ADAM7: variants seen among roughly 807,000 people sequenced by gnomAD.
ADAM7 encodes the protein ADAM metallopeptidase domain 7, also known as disintegrin and metalloproteinase domain-containing protein 7.
Under a neutral mutation model 102.9 loss-of-function variants are expected in ADAM7, and 97 were observed. The ratio of observed to expected loss-of-function variants is 0.94; its 90% confidence interval spans 0.80 to 1.12. The LOEUF (loss-of-function observed/expected upper bound fraction) is 1.12. Among genes scored for constraint, ADAM7 ranks in the 50% most tolerant of loss-of-function variants. The probability of loss-of-function intolerance (pLI) is 0.00; values close to 1 mark genes in which losing one functional copy is unlikely to be tolerated. For missense variants in ADAM7, 991 were observed against 908.7 expected (o/e 1.09, Z -1.16); for synonymous variants, 334 against 304.4 (o/e 1.10, Z -1.01).
Position 24,500,101 on chromosome 8 carries a change from G to A in ADAM7, c.1924-77G>A, listed in dbSNP as rs1056698623. On this transcript the variant is annotated intron_variant, in intron 17 of 21. Coordinates refer to ENST00000175238, the MANE Select transcript of ADAM7 (RefSeq NM_003817.4). ...GTGTGCATGTATGTTTGATGTAGAGGTAGCACTAAAGTAAGTGAGTTGCAG... is the reference window on the plus strand; with the variant it reads ...GTGTGCATGTATGTTTGATGTAGAGATAGCACTAAAGTAAGTGAGTTGCAG... 2.3e-5 allele frequency: 30 copies of A among 1,292,602 alleles called. No individual in the cohort carries two copies. In the African/African-American group the frequency reaches 3.4e-4, roughly 14 times the overall value. 80.1% of individuals were successfully genotyped at this position (1,292,602 alleles called of 1,614,324 possible).
In ADAM7 at chr8:24,490,803, G is replaced by A. The variant is rs757109999; in HGVS notation, c.1271G>A (p.Cys424Tyr). The change falls in exon 13 of 22, where the codon TGT (cysteine) becomes TAT (tyrosine). Residue 424 changes from cysteine (C) to tyrosine (Y), a missense_variant. By Grantham distance (194) the Cys-to-Tyr change is radical. Coordinates refer to ENST00000175238, the MANE Select transcript of ADAM7 (RefSeq NM_003817.4). ...EECDCGPAQECTNPCCDAHTC... is the reference protein window; with the variant it reads ...EECDCGPAQEYTNPCCDAHTC... ...CTCTTTTGTGGTTATTGCCAGGAGTGTACTAATCCTTGCTGTGATGCACAC... is the reference window on the plus strand; with the variant it reads ...CTCTTTTGTGGTTATTGCCAGGAGTATACTAATCCTTGCTGTGATGCACAC... 3.7e-6 allele frequency: 6 copies of A among 1,613,424 alleles called. No individual in the cohort carries two copies. The highest frequency in any genetic ancestry group is 1.3e-5 in the African/African-American group (1 of 74,996).
At chr8:24,480,568 T>C (rs117832051) in intron 8 of ADAM7, among the ~76,000 whole-genome samples, 2,101 of 152,310 alleles carry the variant, frequency 0.014, 23 homozygotes, top group Non-Finnish European at 0.02. Flanking sequence ...ATGGCTTTTA[T>C]TTTATATGTT....
At chr8:24,484,850 T>C (rs749703607) in intron 9 of ADAM7, among the ~76,000 whole-genome samples, 21 of 143,212 alleles carry the variant, frequency 1.5e-4, no homozygotes, top group Non-Finnish European at 3.0e-4. Context: ...TCGCTCTGTG[T>C]CCTGGAGAGC....
chr8:24,504,823 G>C (rs529006237), intron 20 of ADAM7, among the ~76,000 whole-genome samples: 1 of 152,118 alleles, frequency 6.6e-6, no homozygotes, highest in African/African-American at 2.4e-5. Flanking sequence ...AATTTCACTG[G>C]CATATAGAGA....
At chr8:24,453,033 T>G (rs1485908280) in intron 3 of ADAM7, among the ~76,000 whole-genome samples, 1 of 151,590 alleles carries the variant, frequency 6.6e-6, no homozygotes. Flanking sequence ...GTTAGTCTGA[T>G]GGGCTTCCCT....
chr8:24,473,413 C>A lies in ADAM7; in HGVS notation c.634-3020C>A, dbSNP rs529662597. On this transcript the variant is annotated intron_variant, in intron 7 of 21. Coordinates refer to ENST00000175238, the MANE Select transcript of ADAM7 (RefSeq NM_003817.4). ...TTGGGTTTCAGCTGGCCATGTATCT[C>A]CAATAGGCTAGCTAGTTGTGCTTTC... 4.6e-5 allele frequency among the ~76,000 whole-genome samples: 7 copies of A among 152,192 alleles called. No homozygotes were observed. The South Asian group carries it at 1.5e-3, about 32-fold the overall frequency.
Position 24,482,288 on chromosome 8 carries a change from T to C in ADAM7, c.852T>C (p.Asp284=), listed in dbSNP as rs772682709. 6.2e-7 allele frequency: 1 copy of C among 1,611,442 alleles called. No homozygotes were observed. The highest frequency in any genetic ancestry group is 2.2e-5 in the East Asian group (1 of 44,778). Residue 284 remains aspartate (D), a synonymous_variant, in exon 9 of 22, where the codon GAT becomes GAC. Transcript: ENST00000175238. ...WQEKILKTRK[D]FDHVVLLSGK... is the part of the protein sequence containing the mutation. ...AAAAGATCCTTAAAACACGGAAGGA[T>C]TTTGATCATGTTGTATTACTCAGGT...
At chr8:24,492,915 A>G (rs1820415929) in intron 15 of ADAM7, 128 bp from the exon 16 acceptor site, 4 of 960,300 alleles carry the variant, frequency 4.2e-6, no homozygotes, top group Non-Finnish European at 5.9e-6. Context: ...TTCTCTGCCC[A>G]TTACAGCCTC....
At chr8:24,476,035 G>C (rs1235312353) in intron 7 of ADAM7, 2 of 446,372 alleles carry the variant, frequency 4.5e-6, no homozygotes, top group Non-Finnish European at 9.0e-6. Context: ...GGACACAGAA[G>C]GACTAATAAA....
chr8:24,449,497 G>A (rs1256168357), intron 3 of ADAM7, among the ~76,000 whole-genome samples: 2 of 151,546 alleles, frequency 1.3e-5, no homozygotes, highest in Non-Finnish European at 3.0e-5. Flanking sequence ...TTTTGATGGG[G>A]TTGTTTTTTT....
At position 24,492,552 on chromosome 8, in the gene ADAM7, G is replaced by C. The variant is rs200911914; in HGVS notation, c.1610G>C (p.Gly537Ala). 4 of 1,612,914 alleles carry C rather than the reference G, an allele frequency of 2.5e-6. No homozygotes were observed. Among genetic ancestry groups the C allele is most frequent in the Non-Finnish European group, 3.4e-6 (4 of 1,179,402 alleles). The change falls in exon 15 of 22, where the codon GGA becomes GCA. Residue 537 changes from glycine (G) to alanine (A), a missense_variant. Physicochemically the swap from Gly to Ala is moderately conservative, Grantham distance 60 (BLOSUM62 0). Coordinates refer to ENST00000175238, the MANE Select transcript of ADAM7 (RefSeq NM_003817.4). ...YKMNTKGNKF[G>A]YCKNKENRFL... ...ATGAATACAAAAGGAAATAAATTTG[G>C]ATACTGCAAAAACAAGGAAAACAGA...
In ADAM7 at chr8:24,447,107, A is replaced by T. The variant is rs954683350; in HGVS notation, c.157-79A>T. ...GCTGGGTGGATTGGAGATAGGGAAC[A>T]TTCACCCAAAGCACTACTTGCTCCA... On this transcript the variant is annotated intron_variant, in intron 2 of 21. Transcript: ENST00000175238. 1.6e-5 allele frequency: 11 copies of T among 685,056 alleles called. No homozygotes were observed. The African/African-American group carries it at 1.8e-4, about 11-fold the overall frequency. The allele number at this position is 685,056 out of a possible 1,614,324, so 42.4% of individuals were successfully genotyped here.
chr8:24,503,249 G>T (rs566150930), intron 20 of ADAM7, among the ~76,000 whole-genome samples: 5 of 152,112 alleles, frequency 3.3e-5, no homozygotes, highest in African/African-American at 1.2e-4. Flanking sequence ...GAAAAATGTT[G>T]AAAATCCTGC....
chr8:24,468,532 A>G (rs1819503245), intron 6 of ADAM7, among the ~76,000 whole-genome samples: 2 of 152,116 alleles, frequency 1.3e-5, no homozygotes, highest in African/African-American at 4.8e-5. Flanking sequence ...AAAAAAAGAA[A>G]AGAAAAAAAA....
intron 8 of ADAM7, among the ~76,000 whole-genome samples, chr8:24,480,020 T>C (rs1344194374): frequency 6.6e-6 from 1 of 152,176 alleles, no homozygotes; most frequent in Non-Finnish European, 1.5e-5. Flanking sequence ...TTTATGTCCG[T>C]GGAAATTGAA....
chr8:24,482,258 G>T lies in ADAM7; in HGVS notation c.822G>T (p.Trp274Cys). 6.2e-7 allele frequency: 1 copy of T among 1,610,518 alleles called. No homozygotes were observed. The highest frequency in any genetic ancestry group is 2.2e-5 in the East Asian group (1 of 44,728). The change falls in exon 9 of 22, where the codon TGG (tryptophan) becomes TGT (cysteine). Residue 274 changes from tryptophan to cysteine, a missense_variant. Trp to Cys is a radical substitution (Grantham distance 215, BLOSUM62 -2). Transcript: ENST00000175238. ...IETTLLRFSF[W>C]QEKILKTRKD... ...CTACCTTATTGCGTTTTTCATTTTG[G>T]CAAGAAAAGATCCTTAAAACACGGA...
At chr8:24,471,038 G>T (rs1011587824) in intron 7 of ADAM7, among the ~76,000 whole-genome samples, 1 of 151,948 alleles carries the variant, frequency 6.6e-6, no homozygotes, top group African/African-American at 2.4e-5. Context: ...CTGATTTTGT[G>T]TAGGTTTAGG....
At chr8:24,469,141 G>T (rs938069093) in intron 7 of ADAM7, among the ~76,000 whole-genome samples, 5 of 152,066 alleles carry the variant, frequency 3.3e-5, no homozygotes, top group Non-Finnish European at 5.9e-5. Flanking sequence ...AAATGAAGAA[G>T]AAAATCTCTA....
At chr8:24,473,489 G>A (rs1170921931) in intron 7 of ADAM7, among the ~76,000 whole-genome samples, 1 of 152,132 alleles carries the variant, frequency 6.6e-6, no homozygotes, top group African/African-American at 2.4e-5. Flanking sequence ...AGGCTGCAAT[G>A]TGCAAGAACT....
Sources: gnomAD v4.1 joint callset for allele counts (sites outside exome capture counted in the v4.1 genomes callset) on GRCh38, gnomAD v4.1.1 for gene constraint, MANE v1.5 for transcripts, NCBI Gene and HGNC (gene_info 2026-07-23, HGNC 2026-07-21) for gene names.